The following KATNAL1 variants were observed in gnomAD, a reference collection of about 807,000 sequenced individuals.
The protein encoded by KATNAL1 is katanin p60 ATPase-containing subunit A-like 1.
Under a neutral mutation model 55.2 loss-of-function variants are expected in KATNAL1, and 32 were observed. The ratio of observed to expected loss-of-function variants is 0.58; its 90% CI spans 0.44 to 0.78. The LOEUF (loss-of-function observed/expected upper bound fraction) is 0.78, where lower values mean the gene tolerates loss of function less well. Ranked by LOEUF, KATNAL1 falls within the 30% of genes least tolerant of loss-of-function variation. The pLI is 0.00. For missense variants in KATNAL1, 466 were observed against 600.9 expected (o/e 0.78, Z 2.35); for synonymous variants, 193 against 193.6 (o/e 1.00, Z 0.02).
intron 4 of KATNAL1, among the ~76,000 whole-genome samples, chr13:30,253,289 C>A (rs1187574851): frequency 6.6e-6 from 1 of 152,136 alleles, no homozygotes; most frequent in Non-Finnish European, 1.5e-5. Context: ...CAGAACATAT[C>A]TTTTATCTCC....
intron 2 of KATNAL1, 65 bp from the exon 3 acceptor site, chr13:30,280,288 A>G: frequency 7.6e-7 from 1 of 1,315,284 alleles, no homozygotes; most frequent in Middle Eastern, 2.4e-4. Context: ...TGTAAATAAT[A>G]AATTACTATA....
intron 1 of KATNAL1, among the ~76,000 whole-genome samples, chr13:30,291,063 T>C (rs1479076825): frequency 6.6e-6 from 1 of 152,184 alleles, no homozygotes. Context: ...TCTCACCCCT[T>C]CTATTCCACA....
intron 6 of KATNAL1, among the ~76,000 whole-genome samples, chr13:30,239,864 T>G (rs1877087370): frequency 6.6e-6 from 1 of 151,982 alleles, no homozygotes; most frequent in Non-Finnish European, 1.5e-5. Context: ...TTTTGTATTT[T>G]TCGTAAAGAT....
rs549537186 is a variant in KATNAL1, at chr13:30,274,906, C to T, written c.323+5157G>A. Among the ~76,000 whole-genome samples the T allele has an allele frequency of 2.1e-4, 16 of 77,324 alleles. No homozygotes were observed. The East Asian group carries it at 3.3e-3, about 16-fold the overall frequency. 50.7% of individuals were successfully genotyped at this position (77,324 alleles called of 152,430 possible). ...GCACACACATACGCGCGCGCGCGCG[C>T]GCACACACACACACACACACACACA... On this transcript the variant is annotated intron_variant, in intron 3 of 10. Transcript: ENST00000380615.
chr13:30,276,098 TAG>T (rs2137520315), intron 3 of KATNAL1, among the ~76,000 whole-genome samples: 1 of 152,332 alleles, frequency 6.6e-6, no homozygotes, highest in African/African-American at 2.4e-5. Context: ...AAGAATGAGC[TAG>T]AGACTTCATC....
In KATNAL1 at chr13:30,207,516, C is replaced by G. The variant is rs1328947962; in HGVS notation, c.*1024G>C. On this transcript the variant is annotated 3_prime_UTR_variant, in exon 11 of 11. Transcript: ENST00000380615. ...TTGTTTAGAATGTAAAAGTATTTAT[C>G]TCAAATACTAAAATCAAACTCAAGA... The G allele has an allele frequency of 6.6e-6, 1 of 152,124 alleles. No homozygotes were observed. The highest frequency in any genetic ancestry group is 1.5e-5 in the Non-Finnish European group (1 of 68,020). The allele number at this position is 152,124 out of a possible 1,614,324, so 9.4% of individuals were successfully genotyped here. A position where few individuals can be genotyped will look rare whatever the true frequency, so the allele number is the denominator to read the frequency against.
chr13:30,299,950 G>C (rs1184338063), intron 1 of KATNAL1, among the ~76,000 whole-genome samples: 1 of 151,702 alleles, frequency 6.6e-6, no homozygotes, highest in Non-Finnish European at 1.5e-5. Context: ...CAACCTTTCT[G>C]TTCTCTCCTT....
chr13:30,210,438 T>C lies in KATNAL1; in HGVS notation c.1152A>G (p.Lys384=). 6.3e-7 allele frequency: 1 copy of C among 1,596,376 alleles called. No individual in the cohort carries two copies. Among genetic ancestry groups the C allele is most frequent in the Non-Finnish European group, 8.5e-7 (1 of 1,174,588 alleles). ...KRIYIPLPTA[K]GRAELLKINL... The stretch of plus-strand genomic sequence containing the variant: ...TGATCTTCAGAAGCTCAGCTCTTCC[T>C]TTTGCTGTTACAAGATTTTGGTGGT... Residue 384 remains lysine (K), a synonymous_variant, in exon 10 of 11, where the codon AAA becomes AAG. Coordinates refer to ENST00000380615, the MANE Select transcript of KATNAL1 (RefSeq NM_032116.5).
chr13:30,246,203 C>T (rs1877778647), intron 4 of KATNAL1, among the ~76,000 whole-genome samples: 1 of 152,070 alleles, frequency 6.6e-6, no homozygotes, highest in Non-Finnish European at 1.5e-5. Flanking sequence ...GATATATAGA[C>T]CAATGGAACA....
At position 30,279,172 on chromosome 13, in the gene KATNAL1, A is replaced by AG. The variant is rs1881084407; in HGVS notation, c.323+890dup. On this transcript the variant is annotated intron_variant, in intron 3 of 10. Transcript: ENST00000380615. ...ACTCACATCCTGATCTAGCATGATT[A>AG]GGGCCTCTCAGGCTTCAGTTTCCTT... is the stretch of plus-strand genomic sequence containing the variant. Among the ~76,000 whole-genome samples the AG allele has an allele frequency of 2.6e-5, 4 of 152,354 alleles. No homozygotes were observed. The South Asian group carries it at 8.3e-4, about 32-fold the overall frequency.
intron 1 of KATNAL1, among the ~76,000 whole-genome samples, chr13:30,300,495 A>G (rs753492698): frequency 2.0e-5 from 3 of 152,138 alleles, no homozygotes; most frequent in Admixed American, 6.5e-5. Flanking sequence ...AATTTTATCA[A>G]TATGTCCAGG....
chr13:30,263,711 C>T (rs200796623), intron 3 of KATNAL1, among the ~76,000 whole-genome samples: 119,861 of 135,634 alleles, frequency 0.88, 52,767 homozygotes, highest in East Asian at 0.96. Context: ...AACCACTGCT[C>T]AAGGAAATAA....
chr13:30,231,081 T>C (rs530427004), intron 7 of KATNAL1, among the ~76,000 whole-genome samples: 2 of 152,342 alleles, frequency 1.3e-5, no homozygotes, highest in Non-Finnish European at 2.9e-5. Context: ...TCTTCCACCC[T>C]GAGTGGACAG....
At chr13:30,286,086 A>T (rs1881765202) in intron 1 of KATNAL1, among the ~76,000 whole-genome samples, 1 of 152,356 alleles carries the variant, frequency 6.6e-6, no homozygotes, top group South Asian at 2.1e-4. Flanking sequence ...TTAAAAGGGA[A>T]GCAGTGAATA....
In KATNAL1 at chr13:30,299,549, G is replaced by T. The variant is rs190834605; in HGVS notation, c.-15+7782C>A. 4.6e-5 allele frequency among the ~76,000 whole-genome samples: 7 copies of T among 152,162 alleles called. No individual in the cohort carries two copies. In the East Asian group the frequency reaches 1.4e-3, roughly 29 times the overall value. ...TAAAATTATTTTTAGTCATAATCTT[G>T]AAACATAGTTTTTTAAATCTCCTTT... On this transcript the variant is annotated intron_variant, in intron 1 of 10. Transcript: ENST00000380615.
intron 3 of KATNAL1, among the ~76,000 whole-genome samples, chr13:30,276,211 A>G (rs997900036): frequency 3.9e-5 from 6 of 152,212 alleles, no homozygotes; most frequent in Admixed American, 2.6e-4. Flanking sequence ...AAATTTTAAA[A>G]TATTATTTTG....
At chr13:30,214,394 A>C (rs1874002890) in intron 9 of KATNAL1, among the ~76,000 whole-genome samples, 1 of 152,140 alleles carries the variant, frequency 6.6e-6, no homozygotes, top group South Asian at 2.1e-4. Context: ...GCTACCAATG[A>C]CTTTCTTCAC....
At chr13:30,215,089 C>G (rs1241247548) in intron 9 of KATNAL1, among the ~76,000 whole-genome samples, 1 of 151,142 alleles carries the variant, frequency 6.6e-6, no homozygotes, top group East Asian at 1.9e-4. Flanking sequence ...AAAAAACAAA[C>G]AACCCCATCA....
chr13:30,225,021 G>A (rs1875301191), intron 9 of KATNAL1, among the ~76,000 whole-genome samples: 1 of 152,034 alleles, frequency 6.6e-6, no homozygotes, highest in Non-Finnish European at 1.5e-5. Context: ...ATTAGTGTGG[G>A]GCAGCACTTC....
Sources: gnomAD v4.1 joint callset for allele counts (sites outside exome capture counted in the v4.1 genomes callset) on GRCh38, gnomAD v4.1.1 for gene constraint, MANE v1.5 for transcripts, NCBI Gene and HGNC (gene_info 2026-07-23, HGNC 2026-07-21) for gene names.